TSLP: variants seen among roughly 807,000 people sequenced by gnomAD.
TSLP encodes the protein thymic stroma-derived lymphopoietin.
Under a neutral mutation model 12.4 loss-of-function variants are expected in TSLP, and 12 were observed. The ratio of observed to expected loss-of-function variants is 0.97; its 90% confidence interval spans 0.62 to 1.57. The LOEUF is 1.57. TSLP is among the 40% of genes most tolerant of loss of function. The pLI is 0.00. For missense variants in TSLP, 222 were observed against 189.6 expected, an observed-to-expected ratio of 1.17 and a Z score of -1.00; for synonymous variants, 97 against 69.5, an observed-to-expected ratio of 1.40 and a Z score of -1.97.
chr5:111,072,475 T>C (rs374702433), intron 1 of TSLP, among the ~76,000 whole-genome samples: 1 of 152,222 alleles, frequency 6.6e-6, no homozygotes, highest in African/African-American at 2.4e-5. Context: ...AGGATGCTAT[T>C]TATTACAGAA....
intron 1 of TSLP, among the ~76,000 whole-genome samples, chr5:111,072,287 A>G (rs1470510989): frequency 5.9e-5 from 9 of 152,204 alleles, no homozygotes; most frequent in Non-Finnish European, 1.3e-4. Flanking sequence ...GCAGGTATTG[A>G]TAGACAGCGC....
chr5:111,071,391 G>C, upstream of TSLP: 1 of 1,464,438 alleles, frequency 6.8e-7, no homozygotes, highest in African/African-American at 1.4e-5. Flanking sequence ...GCTGGTTTCA[G>C]AAGGTGTTTC....
At position 111,072,915 on chromosome 5, in the gene TSLP, G is replaced by T; in HGVS notation, c.199G>T (p.Val67Phe). The T allele has an allele frequency of 6.2e-7, 1 of 1,614,186 alleles. No homozygotes were observed. The highest frequency in any genetic ancestry group is 8.5e-7 in the Non-Finnish European group (1 of 1,180,030). ...CAAAAGTACCGAGTTCAACAACACC[G>T]TCTCTTGTAGCAATCGGGTGAGTAG... ...GTKSTEFNNT[V>F]SCSNRPHCLT... The change falls in exon 2 of 4, where the codon GTC (valine) becomes TTC (phenylalanine). Residue 67 changes from valine to phenylalanine, a missense_variant. Physicochemically the swap from Val to Phe is conservative, Grantham distance 50. Transcript: ENST00000344895.
chr5:111,072,970 G>A (rs373550157), intron 2 of TSLP, 38 bp downstream of exon 2: 2 of 1,609,710 alleles, frequency 1.2e-6, no homozygotes, highest in Non-Finnish European at 1.7e-6. Context: ...TTTCTCCAGG[G>A]AGACGCCAGG....
At chr5:111,073,391 C>CTCT in intron 2 of TSLP, 120 bp from the exon 3 acceptor site, 1 of 1,552,808 alleles carries the variant, frequency 6.4e-7, no homozygotes, top group Non-Finnish European at 8.7e-7. Flanking sequence ...CTCTGACTCT[C>CTCT]GACTTGTGTT....
rs1580378704 is a variant in TSLP, at chr5:111,076,124, A to G, written c.*50A>G. 2 of 1,588,014 alleles carry G rather than the reference A, an allele frequency of 1.3e-6. No homozygotes were observed. Among genetic ancestry groups the G allele is most frequent in the Non-Finnish European group, 1.7e-6 (2 of 1,160,588 alleles). On this transcript the variant is annotated 3_prime_UTR_variant, in exon 4 of 4. Coordinates refer to ENST00000344895, the MANE Select transcript of TSLP (RefSeq NM_033035.5). ...CACAGCACCAAAATAAATCATCTTT[A>G]TTAAGTAGATGAAACATTAACTCTA...
chr5:111,071,832 C>A lies in TSLP; in HGVS notation c.-59C>A. 1 of 1,582,174 alleles carries A rather than the reference C, an allele frequency of 6.3e-7. No homozygotes were observed. The highest frequency in any genetic ancestry group is 8.6e-7 in the Non-Finnish European group (1 of 1,159,858). On this transcript the variant is annotated 5_prime_UTR_variant, in exon 1 of 4. Coordinates refer to ENST00000344895, the MANE Select transcript of TSLP (RefSeq NM_033035.5). The stretch of plus-strand genomic sequence containing the variant: ...CCCCTAAGGCAGGCCTTACAGATCT[C>A]TTACACTCGTGGTGGGAAGAGTTTA...
intron 1 of TSLP, 54 bp from the exon 2 acceptor site, chr5:111,072,834 T>G (rs1465606148): frequency 3.2e-6 from 5 of 1,585,696 alleles, no homozygotes; most frequent in Non-Finnish European, 4.3e-6. Context: ...GGGATGATTT[T>G]CCTTGTGGAC....
rs372067633 is a variant in TSLP, at chr5:111,075,934, T to C, written c.352-12T>C. Reference sequence around the variant, plus strand: ...AAAAGTAATTTTGACTATTGATTCTTATATTCTGCAGATAAATGCTACTCA... The same window carrying C: ...AAAAGTAATTTTGACTATTGATTCTCATATTCTGCAGATAAATGCTACTCA... On this transcript the variant is annotated splice_polypyrimidine_tract_variant and intron_variant, in intron 3 of 3. Coordinates refer to ENST00000344895, the MANE Select transcript of TSLP (RefSeq NM_033035.5). The C allele has an allele frequency of 3.0e-5, 48 of 1,610,662 alleles. No homozygotes were observed. The highest frequency in any genetic ancestry group is 3.7e-5 in the Non-Finnish European group (44 of 1,179,104).
intron 2 of TSLP, chr5:111,073,295 G>T: frequency 7.0e-7 from 1 of 1,419,386 alleles, no homozygotes; most frequent in Non-Finnish European, 9.2e-7. Context: ...CAGTCTTTTC[G>T]CGACGAGTGC....
At chr5:111,073,273 G>A (rs964252026) in intron 2 of TSLP, 50 of 1,413,160 alleles carry the variant, frequency 3.5e-5, no homozygotes, top group Non-Finnish European at 4.3e-5. Flanking sequence ...TGGGAGGAGC[G>A]AGCGTGGGTG....
chr5:111,075,665 G>A (rs923973141), intron 3 of TSLP, among the ~76,000 whole-genome samples: 2 of 152,180 alleles, frequency 1.3e-5, no homozygotes, highest in African/African-American at 2.4e-5. Context: ...CAAGTTAAAT[G>A]ACACACACTC....
rs527390068 is a variant in TSLP at position 111,074,434 on chromosome 5, G to A, written c.351+789G>A. On this transcript the variant is annotated intron_variant, in intron 3 of 3. Coordinates refer to ENST00000344895, the MANE Select transcript of TSLP (RefSeq NM_033035.5). ...CTGAGGATTAAATTAGTCAACACAT[G>A]TAAATGCAGTTGGAACAGTGCCTGG... Among the ~76,000 whole-genome samples, 3 of 152,260 alleles carry A rather than the reference G, an allele frequency of 2.0e-5. No homozygotes were observed. In the East Asian group the frequency reaches 5.8e-4, roughly 29 times the overall value.
intron 3 of TSLP, 60 bp downstream of exon 3, chr5:111,073,705 GC>G (rs1752410791): frequency 6.5e-7 from 1 of 1,537,598 alleles, no homozygotes; most frequent in Non-Finnish European, 8.9e-7. Flanking sequence ...TTAAACTGGG[GC>G]TTTGGTGCAG....
chr5:111,073,007 C>A, intron 2 of TSLP, 75 bp downstream of exon 2: 2 of 1,549,396 alleles, frequency 1.3e-6, no homozygotes, highest in East Asian at 4.5e-5. Flanking sequence ...TATCCTGCTA[C>A]GTGCAGAACT....
At position 111,071,781 on chromosome 5, in the gene TSLP, G is replaced by T. The variant is rs1447897899; in HGVS notation, c.-110G>T. The T allele has an allele frequency of 1.2e-5, 17 of 1,406,040 alleles. No individual in the cohort carries two copies. The highest frequency in any genetic ancestry group is 1.7e-5 in the Non-Finnish European group (17 of 1,027,358). The allele number at this position is 1,406,040 out of a possible 1,614,324, so 87.1% of individuals were successfully genotyped here. A position where few individuals can be genotyped will look rare whatever the true frequency, so the allele number is the denominator to read the frequency against. Reference sequence around the variant, plus strand: ...GGCTTCCTGTGGACTGGCAATGAGAGGCAAAACCTGGTGCTTGAGCACTGG... The same window carrying T: ...GGCTTCCTGTGGACTGGCAATGAGATGCAAAACCTGGTGCTTGAGCACTGG... On this transcript the variant is annotated 5_prime_UTR_variant, in exon 1 of 4. In the 5' UTR this introduces an upstream ATG that the reference lacks. Transcript: ENST00000344895.
upstream of TSLP, chr5:111,071,366 A>G: frequency 2.9e-6 from 4 of 1,379,450 alleles, no homozygotes; most frequent in Non-Finnish European, 3.9e-6. Flanking sequence ...AGGACTCCAA[A>G]TCCTTACAGT....
At chr5:111,073,678 T>A in intron 3 of TSLP, 33 bp downstream of exon 3, 1 of 1,603,050 alleles carries the variant, frequency 6.2e-7, no homozygotes, top group Non-Finnish European at 8.5e-7. Context: ...TTGCTGTACC[T>A]TGGGGCTAAC....
At chr5:111,072,864 T>A in intron 1 of TSLP, 24 bp from the exon 2 acceptor site, 1 of 1,613,670 alleles carries the variant, frequency 6.2e-7, no homozygotes, top group Non-Finnish European at 8.5e-7. Context: ...TTTACCCTCT[T>A]TGTCCTATTT....
Sources: allele counts gnomAD v4.1 joint callset (sites outside exome capture counted in the v4.1 genomes callset), GRCh38; gene constraint gnomAD v4.1.1; transcripts MANE v1.5; gene names NCBI Gene and HGNC (gene_info 2026-07-23, HGNC 2026-07-21).